FAT3: variants seen among roughly 807,000 people sequenced by gnomAD.
The protein encoded by FAT3 is protocadherin Fat 3.
Under a neutral mutation model 310.2 loss-of-function variants are expected in FAT3, and 95 were observed. That is an observed-to-expected ratio of 0.31 (90% CI 0.26 to 0.36). The LOEUF is 0.36. Ranked by LOEUF, FAT3 falls within the 10% of genes least tolerant of loss-of-function variation. The probability of loss-of-function intolerance (pLI) is 1.00; values close to 1 mark genes in which losing one functional copy is unlikely to be tolerated. For missense variants in FAT3, 5,408 were observed against 5,715.6 expected, an observed-to-expected ratio of 0.95 and a Z score of 1.74; for synonymous variants, 2,314 against 2,192.9, an observed-to-expected ratio of 1.06 and a Z score of -1.54.
At chr11:92,690,948 C>T (rs1310304724) in intron 3 of FAT3, among the ~76,000 whole-genome samples, 3 of 152,114 alleles carry the variant, frequency 2.0e-5, no homozygotes, top group Non-Finnish European at 4.4e-5. Context: ...TTTTACTTTC[C>T]TCCTTTTGAG....
chr11:92,228,335 AGTCT>A (rs1417446749), intron 1 of FAT3, among the ~76,000 whole-genome samples: 3 of 152,152 alleles, frequency 2.0e-5, no homozygotes, highest in African/African-American at 7.2e-5. Flanking sequence ...AATAGGACCC[AGTCT>A]GTCTGTTAAC....
intron 4 of FAT3, among the ~76,000 whole-genome samples, chr11:92,717,365 C>T (rs1944722647): frequency 6.6e-6 from 1 of 152,152 alleles, no homozygotes; most frequent in Admixed American, 6.5e-5. Flanking sequence ...AGCTAAAGGG[C>T]ATATATACAA....
chr11:92,240,606 C>G (rs1313118872), intron 1 of FAT3, among the ~76,000 whole-genome samples: 1 of 150,364 alleles, frequency 6.7e-6, no homozygotes, highest in East Asian at 2.0e-4. Flanking sequence ...AACCAAATCC[C>G]AAACTGTAAT....
chr11:92,855,146 G>A (rs970608201), intron 19 of FAT3, among the ~76,000 whole-genome samples: 5 of 152,228 alleles, frequency 3.3e-5, no homozygotes, highest in African/African-American at 1.2e-4. Context: ...GACGTGTGCA[G>A]GCTGTCAGAG....
At chr11:92,854,951 A>G (rs1048359089) in intron 19 of FAT3, among the ~76,000 whole-genome samples, 2 of 152,256 alleles carry the variant, frequency 1.3e-5, no homozygotes, top group Non-Finnish European at 2.9e-5. Flanking sequence ...TCTTAAATAC[A>G]TAAGCTGCTG....
At chr11:92,340,239 A>G (rs567776181) in intron 1 of FAT3, among the ~76,000 whole-genome samples, 83 of 151,664 alleles carry the variant, frequency 5.5e-4, no homozygotes, top group Admixed American at 1.2e-3. Flanking sequence ...CTGCAGGGCT[A>G]GGATTTGTGT....
At chr11:92,397,069 G>A (rs1949885964) in intron 2 of FAT3, among the ~76,000 whole-genome samples, 1 of 152,106 alleles carries the variant, frequency 6.6e-6, no homozygotes, top group South Asian at 2.1e-4. Context: ...TGATAGTGCA[G>A]TTTTTATCAA....
chr11:92,265,426 C>T (rs1222809666), intron 1 of FAT3, among the ~76,000 whole-genome samples: 1 of 151,800 alleles, frequency 6.6e-6, no homozygotes. Flanking sequence ...CTTTTTCTGT[C>T]TTCACAGCAT....
At chr11:92,486,858 G>A (rs1365957265) in intron 2 of FAT3, among the ~76,000 whole-genome samples, 1 of 152,096 alleles carries the variant, frequency 6.6e-6, no homozygotes, top group Admixed American at 6.6e-5. Context: ...CCTATATCCT[G>A]CCAAGATCTT....
intron 2 of FAT3, among the ~76,000 whole-genome samples, chr11:92,432,682 T>G (rs2135033882): frequency 6.6e-6 from 1 of 152,278 alleles, no homozygotes; most frequent in South Asian, 2.1e-4. Flanking sequence ...AGAGCTCTCC[T>G]GTATGAGGTG....
chr11:92,411,569 GA>G (rs1950269887), intron 2 of FAT3, among the ~76,000 whole-genome samples: 1 of 152,070 alleles, frequency 6.6e-6, no homozygotes. Context: ...TGGTGACACT[GA>G]AAAACACTGG....
At chr11:92,618,456 C>T (rs565421499) in intron 3 of FAT3, among the ~76,000 whole-genome samples, 8 of 152,266 alleles carry the variant, frequency 5.3e-5, no homozygotes, top group Admixed American at 2.0e-4. Context: ...CGCCCTGCTT[C>T]GGCTCACACT....
intron 2 of FAT3, among the ~76,000 whole-genome samples, chr11:92,452,689 A>G (rs960798567): frequency 6.6e-6 from 1 of 152,208 alleles, no homozygotes; most frequent in African/African-American, 2.4e-5. Flanking sequence ...AGAAAAGACT[A>G]AAAGGTGAGT....
At chr11:92,477,039 C>T (rs1182998960) in intron 2 of FAT3, among the ~76,000 whole-genome samples, 2 of 152,164 alleles carry the variant, frequency 1.3e-5, no homozygotes, top group African/African-American at 4.8e-5. Context: ...GTTGGAAATT[C>T]CTCCATATGC....
chr11:92,237,057 A>G (rs542058496), intron 1 of FAT3, among the ~76,000 whole-genome samples: 4 of 152,108 alleles, frequency 2.6e-5, no homozygotes, highest in Non-Finnish European at 5.9e-5. Flanking sequence ...AATTGTGTGT[A>G]AGGTAAGGTT....
chr11:92,843,357 A>G (rs1471695008), intron 18 of FAT3, among the ~76,000 whole-genome samples: 5 of 152,250 alleles, frequency 3.3e-5, no homozygotes, highest in African/African-American at 9.6e-5. Flanking sequence ...ACCTGTTGCC[A>G]GAGTGGATGT....
intron 3 of FAT3, among the ~76,000 whole-genome samples, chr11:92,652,490 T>G (rs1942416376): frequency 6.6e-6 from 1 of 150,662 alleles, no homozygotes; most frequent in African/African-American, 2.5e-5. Context: ...CCAATAAAAC[T>G]GGTCCTGTGT....
chr11:92,355,720 C>A (rs1376779674), intron 2 of FAT3, among the ~76,000 whole-genome samples: 1 of 152,052 alleles, frequency 6.6e-6, no homozygotes, highest in Admixed American at 6.6e-5. Flanking sequence ...TACTCCTGAC[C>A]CTCTCTAAAT....
rs1225915850 is a variant in FAT3 at position 92,831,991 on chromosome 11, T to G, written c.9851T>G (p.Phe3284Cys). The change falls in exon 14 of 28, where the codon TTT (phenylalanine) becomes TGT (cysteine). Residue 3284 changes from phenylalanine (F) to cysteine (C), a missense_variant. By Grantham distance (205) the Phe-to-Cys change is radical. Around this residue, in one of 5 missense-constraint regions of FAT3, gnomAD observed 4,588 missense variants for 4,809.8 expected, o/e 0.95. Transcript: ENST00000525166. ...CGGTCTGGGAACGAACAAGGGAAATTTAAGATCAACCCCAAGACAGGTGGG... is the reference window on the plus strand; with the variant it reads ...CGGTCTGGGAACGAACAAGGGAAATGTAAGATCAACCCCAAGACAGGTGGG... ...LIRSGNEQGK[F>C]KINPKTGGIS... 3 of 1,550,734 alleles carry G rather than the reference T, an allele frequency of 1.9e-6. No homozygotes were observed. The highest frequency in any genetic ancestry group is 2.6e-6 in the Non-Finnish European group (3 of 1,147,862).
Sources: allele counts gnomAD v4.1 joint callset (sites outside exome capture counted in the v4.1 genomes callset), GRCh38; gene constraint gnomAD v4.1.1; regional missense constraint gnomAD v4.1.1; transcripts MANE v1.5; gene names NCBI Gene and HGNC (gene_info 2026-07-23, HGNC 2026-07-21).